Variants in ZNF227 observed in about 807,000 individuals in gnomAD.
ZNF227 encodes zinc finger protein 227.
In ZNF227, 12 loss-of-function variants were observed where a neutral mutation model predicts 13.2. That is an observed-to-expected ratio of 0.91 (90% confidence interval 0.58 to 1.47). The LOEUF is 1.47. Ranked by LOEUF, ZNF227 falls within the 40% of genes most tolerant of loss-of-function variation. The pLI is 0.00. For missense variants in ZNF227, 885 were observed against 967.5 expected (o/e 0.91, Z 1.13); for synonymous variants, 338 against 326.0 (o/e 1.04, Z -0.40).
At chr19:44,212,365 C>T (rs1266329969), upstream of ZNF227, among the ~76,000 whole-genome samples, 1 of 125,856 alleles carries the variant, frequency 7.9e-6, no homozygotes, top group Non-Finnish European at 1.6e-5. Flanking sequence ...TCGCTCGCTC[C>T]GTTTTTTTTT....
At chr19:44,215,948 A>G (rs890496799) in intron 2 of ZNF227, among the ~76,000 whole-genome samples, 1 of 141,264 alleles carries the variant, frequency 7.1e-6, no homozygotes, top group African/African-American at 2.7e-5. Flanking sequence ...AGATTGTGCC[A>G]TTGCACTCCA....
intron 3 of ZNF227, among the ~76,000 whole-genome samples, chr19:44,226,062 G>A (rs1262788093): frequency 6.6e-6 from 1 of 152,092 alleles, no homozygotes; most frequent in Non-Finnish European, 1.5e-5. Flanking sequence ...ATCAGCAGCG[G>A]TGGCTGCAGA....
At chr19:44,232,232 A>G (rs989902923) in intron 5 of ZNF227, among the ~76,000 whole-genome samples, 1 of 152,240 alleles carries the variant, frequency 6.6e-6, no homozygotes, top group Non-Finnish European at 1.5e-5. Context: ...AGCACCAGCA[A>G]TGTGAGAAGC....
At position 44,235,111 on chromosome 19, in the gene ZNF227, AG is replaced by A. The variant is rs769811791; in HGVS notation, c.683del (p.Gly228ValfsTer18). The A allele has an allele frequency of 9.9e-6, 16 of 1,614,182 alleles. No individual in the cohort carries two copies. The highest frequency in any genetic ancestry group is 1.4e-5 in the Non-Finnish European group (16 of 1,180,020). The part of the protein sequence containing the change: ...KTDTEPKPCK[G>X]NEYGKIISDG... ...CTGACACAGAACCAAAACCCTGCAA[AG>A]GTAATGAATATGGCAAAATCATTAG... is the stretch of plus-strand genomic sequence containing the variant. On this transcript the variant is annotated frameshift_variant, in exon 6 of 6. Coordinates refer to ENST00000313040, the MANE Select transcript of ZNF227 (RefSeq NM_182490.3). LOFTEE classifies it low-confidence loss of function (END_TRUNC).
intron 3 of ZNF227, among the ~76,000 whole-genome samples, chr19:44,222,919 T>C (rs1033771072): frequency 2.7e-5 from 4 of 150,864 alleles, no homozygotes; most frequent in East Asian, 1.9e-4. Context: ...ATAGCTCTTA[T>C]TATTTTGAGA....
At chr19:44,232,923 G>A (rs537684430) in intron 5 of ZNF227, among the ~76,000 whole-genome samples, 111 of 152,022 alleles carry the variant, frequency 7.3e-4, no homozygotes, top group African/African-American at 2.5e-3. Context: ...CACCTGCCTC[G>A]GCCTCACAAA....
At chr19:44,231,271 T>A (rs1303924795) in intron 5 of ZNF227, among the ~76,000 whole-genome samples, 1 of 150,902 alleles carries the variant, frequency 6.6e-6, no homozygotes, top group Non-Finnish European at 1.5e-5. Context: ...ACCACCACCA[T>A]GCCCAACTAA....
chr19:44,213,889 A>T (rs1291249331), intron 2 of ZNF227: 1 of 152,220 alleles, frequency 6.6e-6, no homozygotes, highest in Non-Finnish European at 1.5e-5. Flanking sequence ...TATAGAAGTA[A>T]TGAATGCTCA....
chr19:44,216,643 A>C (rs962769660), intron 2 of ZNF227, among the ~76,000 whole-genome samples: 6 of 151,260 alleles, frequency 4.0e-5, no homozygotes, highest in African/African-American at 1.5e-4. Flanking sequence ...CAAATACGGA[A>C]GCCTCTCAAT....
At chr19:44,215,675 T>C (rs1237784296) in intron 2 of ZNF227, among the ~76,000 whole-genome samples, 1 of 152,000 alleles carries the variant, frequency 6.6e-6, no homozygotes, top group Non-Finnish European at 1.5e-5. Flanking sequence ...CTGAAGAATA[T>C]TGAGACTAAA....
rs1285206200 is a variant in ZNF227 at position 44,236,403 on chromosome 19, A to ATT, written c.1973_1974insTT (p.Lys658AsnfsTer45). The ATT allele has an allele frequency of 6.2e-7, 1 of 1,613,956 alleles. No individual in the cohort carries two copies. Among genetic ancestry groups the ATT allele is most frequent in the Non-Finnish European group, 8.5e-7 (1 of 1,180,014 alleles). On this transcript the variant is annotated frameshift_variant, in exon 6 of 6. Transcript: ENST00000313040. LOFTEE classifies it low-confidence loss of function (END_TRUNC). Reference sequence around the variant, plus strand: ...CATCAGAGAGTCCACACGGGGGAAAAGCCATACAAATGTGATGTGTGTGGA... The same window carrying ATT: ...CATCAGAGAGTCCACACGGGGGAAAATTGCCATACAAATGTGATGTGTGTGGA...
At chr19:44,224,536 CTT>C (rs1308703688) in intron 3 of ZNF227, among the ~76,000 whole-genome samples, 1 of 152,082 alleles carries the variant, frequency 6.6e-6, no homozygotes, top group Non-Finnish European at 1.5e-5. Context: ...TTCTTTGTCT[CTT>C]TTGATCTTTG....
upstream of ZNF227, among the ~76,000 whole-genome samples, chr19:44,209,881 C>T (rs1340764141): frequency 2.0e-5 from 3 of 152,190 alleles, no homozygotes; most frequent in Non-Finnish European, 2.9e-5. Flanking sequence ...CCACAGAGTC[C>T]GGCCTACTCA....
chr19:44,208,043 T>C (rs1971250836), upstream of ZNF227, among the ~76,000 whole-genome samples: 1 of 152,196 alleles, frequency 6.6e-6, no homozygotes, highest in Non-Finnish European at 1.5e-5. Flanking sequence ...ACGAAGATAA[T>C]AGACCTCTCC....
Position 44,236,951 on chromosome 19 carries a change from A to G in ZNF227, c.*121A>G. On this transcript the variant is annotated 3_prime_UTR_variant, in exon 6 of 6. Transcript: ENST00000313040. ...TGGAAGGGGGTTTGTTCACACTTGGAATCTTTCTAACAAATCCATCAAGAT... is the reference window on the plus strand; with the variant it reads ...TGGAAGGGGGTTTGTTCACACTTGGGATCTTTCTAACAAATCCATCAAGAT... The G allele has an allele frequency of 1.4e-6, 1 of 735,154 alleles. No homozygotes were observed. Among genetic ancestry groups the G allele is most frequent in the Non-Finnish European group, 2.2e-6 (1 of 462,724 alleles). The allele number at this position is 735,154 out of a possible 1,614,324, so 45.5% of individuals were successfully genotyped here.
At chr19:44,232,706 C>T (rs1696580829) in intron 5 of ZNF227, among the ~76,000 whole-genome samples, 2 of 150,916 alleles carry the variant, frequency 1.3e-5, no homozygotes, top group Non-Finnish European at 2.9e-5. Flanking sequence ...CATGCTCCGT[C>T]GTCCAGGCTA....
upstream of ZNF227, among the ~76,000 whole-genome samples, chr19:44,208,519 G>A (rs972102986): frequency 3.9e-5 from 6 of 152,152 alleles, no homozygotes; most frequent in Non-Finnish European, 8.8e-5. Context: ...CTGGCTAGAG[G>A]CTTACATAGC....
chr19:44,220,439 CTGT>C (rs1972372362), intron 3 of ZNF227, among the ~76,000 whole-genome samples: 1 of 151,370 alleles, frequency 6.6e-6, no homozygotes, highest in African/African-American at 2.4e-5. Context: ...TCTCCAGCAC[CTGT>C]TGTTTCCTTT....
rs1475022332 is a variant in ZNF227, at chr19:44,235,214, A to G, written c.784A>G (p.Ser262Gly). The G allele has an allele frequency of 6.2e-7, 1 of 1,614,096 alleles. No individual in the cohort carries two copies. Among genetic ancestry groups the G allele is most frequent in the South Asian group, 1.1e-5 (1 of 91,078 alleles). Residue 262 changes from serine (S) to glycine (G), a missense_variant, in exon 6 of 6, where the codon AGC becomes GGC. Physicochemically the swap from Ser to Gly is moderately conservative, Grantham distance 56. Coordinates refer to ENST00000313040, the MANE Select transcript of ZNF227 (RefSeq NM_182490.3). ...CGECGRGFSY[S>G]PRLPLHPNVH... ...TGAGTGTGGAAGGGGCTTCAGTTAT[A>G]GCCCAAGGCTTCCCCTTCATCCGAA...
Sources: allele counts gnomAD v4.1 joint callset (sites outside exome capture counted in the v4.1 genomes callset), GRCh38; gene constraint gnomAD v4.1.1; transcripts MANE v1.5; gene names NCBI Gene and HGNC (gene_info 2026-07-23, HGNC 2026-07-21).